GNAT3: variants seen among roughly 807,000 people sequenced by gnomAD.
GNAT3 encodes G protein subunit alpha transducin 3.
Under a neutral mutation model 37.7 loss-of-function variants are expected in GNAT3, and 31 were observed. The observed-to-expected ratio is 0.82, with a 90% CI of 0.62 to 1.11. The LOEUF (loss-of-function observed/expected upper bound fraction) is 1.11, where lower values mean the gene tolerates loss of function less well. Among genes scored for constraint, GNAT3 ranks in the 50% most tolerant of loss-of-function variants. GNAT3 has a pLI of 0.00. For missense variants in GNAT3, 437 were observed against 412.5 expected (o/e 1.06, Z -0.51); for synonymous variants, 138 against 139.8 (o/e 0.99, Z 0.09).
At chr7:80,488,298 T>C (rs1790527220) in intron 3 of GNAT3, among the ~76,000 whole-genome samples, 1 of 152,178 alleles carries the variant, frequency 6.6e-6, no homozygotes, top group African/African-American at 2.4e-5. Flanking sequence ...TTATTTGATA[T>C]TAAGTTTAAT....
intron 1 of GNAT3, among the ~76,000 whole-genome samples, chr7:80,496,317 G>A (rs1790715247): frequency 6.6e-6 from 1 of 152,070 alleles, no homozygotes; most frequent in African/African-American, 2.4e-5. Context: ...TTTTAGTAGA[G>A]ACAGGGTTTC....
At chr7:80,499,636 G>A (rs947453966) in intron 1 of GNAT3, among the ~76,000 whole-genome samples, 2 of 152,054 alleles carry the variant, frequency 1.3e-5, no homozygotes, top group African/African-American at 4.8e-5. Context: ...AGATTTTTAG[G>A]GTAGTCTCTT....
chr7:80,485,716 C>T (rs1270429062), intron 3 of GNAT3, among the ~76,000 whole-genome samples: 1 of 151,932 alleles, frequency 6.6e-6, no homozygotes, highest in African/African-American at 2.4e-5. Flanking sequence ...ATTTCACTAC[C>T]TAAATTTTAA....
chr7:80,481,211 T>C (rs936536566), intron 3 of GNAT3, among the ~76,000 whole-genome samples: 2 of 152,180 alleles, frequency 1.3e-5, no homozygotes, highest in African/African-American at 2.4e-5. Context: ...AAAAGTAAAC[T>C]GATCAGATGG....
At chr7:80,491,722 G>A (rs963531641) in intron 2 of GNAT3, among the ~76,000 whole-genome samples, 8 of 152,238 alleles carry the variant, frequency 5.3e-5, no homozygotes, top group Non-Finnish European at 1.0e-4. Flanking sequence ...AATAATCTTC[G>A]TAAGGGCAAC....
chr7:80,471,310 TG>T (rs1790214002), intron 5 of GNAT3, among the ~76,000 whole-genome samples: 2 of 151,596 alleles, frequency 1.3e-5, no homozygotes, highest in Admixed American at 1.3e-4. Context: ...TAATCTCCTT[TG>T]GTAACACCCT....
chr7:80,460,324 G>A (rs1472258701), intron 7 of GNAT3, among the ~76,000 whole-genome samples: 1 of 152,172 alleles, frequency 6.6e-6, no homozygotes, highest in African/African-American at 2.4e-5. Flanking sequence ...TGAGGAGGGA[G>A]GAGGCATGAA....
rs1584188201 is a variant in GNAT3, at chr7:80,492,003, T to A, written c.161+2602A>T. Among the ~76,000 whole-genome samples, 3 of 152,102 alleles carry A rather than the reference T, an allele frequency of 2.0e-5. No individual in the cohort carries two copies. In the South Asian group the frequency reaches 6.2e-4, roughly 32 times the overall value. On this transcript the variant is annotated intron_variant, in intron 2 of 7. Transcript: ENST00000398291. ...AATACTGGTAAATGCTCTCTCATTT[T>A]AAAAAAGTATCTATTTGATCATACT...
At chr7:80,490,104 T>A (rs1790564215) in intron 2 of GNAT3, among the ~76,000 whole-genome samples, 1 of 152,178 alleles carries the variant, frequency 6.6e-6, no homozygotes, top group Admixed American at 6.5e-5. Flanking sequence ...AATAAGCTTT[T>A]ACTGTGCATT....
chr7:80,470,947 A>G (rs1479627262), intron 5 of GNAT3, among the ~76,000 whole-genome samples: 1 of 151,414 alleles, frequency 6.6e-6, no homozygotes, highest in African/African-American at 2.4e-5. Context: ...GCCAAAGGAG[A>G]TGAACATTTG....
At chr7:80,462,447 C>T in intron 6 of GNAT3, 55 bp downstream of exon 6, 1 of 1,599,422 alleles carries the variant, frequency 6.3e-7, no homozygotes, top group Non-Finnish European at 8.5e-7. Context: ...GGTAGTACTA[C>T]TGAAAAGCAC....
chr7:80,493,924 C>A (rs1258576384), intron 2 of GNAT3, among the ~76,000 whole-genome samples: 1 of 151,594 alleles, frequency 6.6e-6, no homozygotes, highest in African/African-American at 2.4e-5. Context: ...CTTTCCTCCT[C>A]CTCCTTCTCT....
intron 7 of GNAT3, among the ~76,000 whole-genome samples, chr7:80,460,532 G>A (rs751701359): frequency 3.3e-5 from 5 of 152,086 alleles, no homozygotes; most frequent in Non-Finnish European, 5.9e-5. Flanking sequence ...TGGATCATCT[G>A]AGGTCAGGAG....
intron 1 of GNAT3, among the ~76,000 whole-genome samples, chr7:80,502,739 A>G (rs1790859889): frequency 6.6e-6 from 1 of 151,910 alleles, no homozygotes; most frequent in Non-Finnish European, 1.5e-5. Context: ...AATATCCTAA[A>G]TTATCATCCC....
intron 5 of GNAT3, among the ~76,000 whole-genome samples, chr7:80,465,370 G>A (rs1467281773): frequency 2.0e-5 from 3 of 151,952 alleles, no homozygotes; most frequent in African/African-American, 2.4e-5. Flanking sequence ...ACTATTTGTC[G>A]GGTATATAAG....
intron 1 of GNAT3, among the ~76,000 whole-genome samples, chr7:80,506,188 C>A (rs913335421): frequency 6.6e-6 from 1 of 151,884 alleles, no homozygotes; most frequent in Non-Finnish European, 1.5e-5. Context: ...TGAAAATATG[C>A]GAATATAAAT....
intron 5 of GNAT3, among the ~76,000 whole-genome samples, chr7:80,472,851 C>A (rs182996566): frequency 3.9e-4 from 59 of 152,310 alleles, no homozygotes; most frequent in Middle Eastern, 6.8e-3. Context: ...TGTTTCTTAA[C>A]TCCTACTGCT....
intron 3 of GNAT3, among the ~76,000 whole-genome samples, chr7:80,485,690 G>T (rs529520632): frequency 1.4e-4 from 22 of 152,150 alleles, no homozygotes; most frequent in African/African-American, 5.3e-4. Context: ...TTTTTCAAAT[G>T]ATGTTGGATG....
At position 80,499,691 on chromosome 7, in the gene GNAT3, T is replaced by C. The variant is rs142284708; in HGVS notation, c.119-5044A>G. Among the ~76,000 whole-genome samples, 31 of 152,332 alleles carry C rather than the reference T, an allele frequency of 2.0e-4. 1 individual carries two copies. The Middle Eastern group carries it at 0.027, about 134-fold the overall frequency. On this transcript the variant is annotated intron_variant, in intron 1 of 7. Coordinates refer to ENST00000398291, the MANE Select transcript of GNAT3 (RefSeq NM_001102386.3). ...TTCCATGTATTATTTCTCCTTTTTA[T>C]GGAGTGACATCAAAATTCTCTGTCC...
Sources: gnomAD v4.1 joint callset for allele counts (sites outside exome capture counted in the v4.1 genomes callset) on GRCh38, gnomAD v4.1.1 for gene constraint, MANE v1.5 for transcripts, NCBI Gene and HGNC (gene_info 2026-07-23, HGNC 2026-07-21) for gene names.